Variants in KCNK13 observed in about 807,000 individuals in gnomAD.
The protein encoded by KCNK13 is potassium channel subfamily K member 13.
In KCNK13, 12 loss-of-function variants were observed where a neutral mutation model predicts 23.4. That is an observed-to-expected ratio of 0.51 (90% CI 0.33 to 0.83). The LOEUF (loss-of-function observed/expected upper bound fraction) is 0.83, where lower values mean the gene tolerates loss of function less well. Ranked by LOEUF, KCNK13 falls within the 40% of genes least tolerant of loss-of-function variation. The pLI is 0.02. For synonymous variants in KCNK13, 231 were observed against 229.5 expected (o/e 1.01, Z -0.06); for missense variants, 463 against 556.3 (o/e 0.83, Z 1.69).
intron 1 of KCNK13, among the ~76,000 whole-genome samples, chr14:90,088,907 A>G (rs1033784481): frequency 6.6e-6 from 1 of 152,154 alleles, no homozygotes; most frequent in African/African-American, 2.4e-5. Flanking sequence ...TTTGCTTGCC[A>G]CCATCCATGT....
At chr14:90,120,937 AG>A (rs79091402) in intron 1 of KCNK13, among the ~76,000 whole-genome samples, 43,197 of 151,972 alleles carry the variant, frequency 0.28, 6,278 homozygotes, top group East Asian at 0.37. Context: ...CCTAGATACA[AG>A]GGGGGTACAG....
intron 1 of KCNK13, among the ~76,000 whole-genome samples, chr14:90,102,590 T>C (rs376454985): frequency 6.6e-6 from 1 of 152,148 alleles, no homozygotes; most frequent in Admixed American, 6.6e-5. Flanking sequence ...GTAGAGTCTC[T>C]CCCATGACCC....
chr14:90,137,917 G>A (rs1889957625), intron 1 of KCNK13, among the ~76,000 whole-genome samples: 1 of 152,200 alleles, frequency 6.6e-6, no homozygotes, highest in Non-Finnish European at 1.5e-5. Flanking sequence ...CCAGCTTTTA[G>A]CGTGAAGACA....
chr14:90,184,667 G>T lies in KCNK13; in HGVS notation c.891G>T (p.Gly297=), dbSNP rs1276025137. 1 of 1,614,248 alleles carries T rather than the reference G, an allele frequency of 6.2e-7. No homozygotes were observed. Among genetic ancestry groups the T allele is most frequent in the East Asian group, 2.2e-5 (1 of 44,882 alleles). The change falls in exon 2 of 2, where the codon GGG becomes GGT. Residue 297 remains glycine (G), a synonymous_variant. Transcript: ENST00000282146. The surrounding 1 kb of genome is among the most constrained non-coding windows in gnomAD (Gnocchi z 5.6). ...LNWILRKMDS[G]CCPQCQRGLL... Reference sequence around the variant, plus strand: ...GGATCCTGAGGAAAATGGACAGCGGGTGCTGCCCGCAATGCCAGAGAGGAC... The same window carrying T: ...GGATCCTGAGGAAAATGGACAGCGGTTGCTGCCCGCAATGCCAGAGAGGAC...
At chr14:90,139,347 A>G (rs1889975939) in intron 1 of KCNK13, among the ~76,000 whole-genome samples, 1 of 152,092 alleles carries the variant, frequency 6.6e-6, no homozygotes, top group Non-Finnish European at 1.5e-5. Flanking sequence ...ATCGGGGAAG[A>G]GCATTCCAGG....
At chr14:90,078,597 GAGAA>G (rs1046021911) in intron 1 of KCNK13, among the ~76,000 whole-genome samples, 30 of 151,930 alleles carry the variant, frequency 2.0e-4, no homozygotes, top group South Asian at 1.2e-3. Context: ...AGGGAGAAAA[GAGAA>G]AGAAAGAGAG....
In KCNK13 at chr14:90,101,462, T is replaced by A. The variant is rs1293842286; in HGVS notation, c.334+38923T>A. On this transcript the variant is annotated intron_variant, in intron 1 of 1. Coordinates refer to ENST00000282146, the MANE Select transcript of KCNK13 (RefSeq NM_022054.4). ...CAGGAGAGGGATACAAGACTACAAA[T>A]TGGGTTCAGGGTATGCTGCTCTGGT... Among the ~76,000 whole-genome samples, 95 of 151,936 alleles carry A rather than the reference T, an allele frequency of 6.3e-4. 1 individual carries two copies. The highest frequency in any genetic ancestry group is 6.2e-3 in the Admixed American group (95 of 15,244).
chr14:90,159,565 AATT>A, intron 1 of KCNK13, among the ~76,000 whole-genome samples: 1 of 152,212 alleles, frequency 6.6e-6, no homozygotes, highest in Non-Finnish European at 1.5e-5. Context: ...TGGAAGACCC[AATT>A]AACAGAAAGT....
At chr14:90,143,328 C>T (rs570828106) in intron 1 of KCNK13, among the ~76,000 whole-genome samples, 16 of 151,976 alleles carry the variant, frequency 1.1e-4, no homozygotes, top group African/African-American at 3.6e-4. Context: ...CCTCCTCAGC[C>T]TCCCAAAGTG....
At chr14:90,071,054 C>G (rs1319100541) in intron 1 of KCNK13, among the ~76,000 whole-genome samples, 2 of 152,202 alleles carry the variant, frequency 1.3e-5, no homozygotes, top group African/African-American at 4.8e-5. Flanking sequence ...ATTTAGTATT[C>G]ATATATGCTC....
intron 1 of KCNK13, among the ~76,000 whole-genome samples, chr14:90,124,430 A>T (rs772521905): frequency 3.3e-5 from 5 of 152,274 alleles, no homozygotes; most frequent in Non-Finnish European, 5.9e-5. Context: ...AGGTCGGAGA[A>T]ATATAATAAA....
Position 90,171,549 on chromosome 14 carries a change from A to G in KCNK13, c.335-12562A>G, listed in dbSNP as rs144215070. 6.3e-3 allele frequency among the ~76,000 whole-genome samples: 965 copies of G among 152,336 alleles called. 6 individuals carry two copies. Among genetic ancestry groups the G allele is most frequent in the African/African-American group, 0.022 (931 of 41,560 alleles). ...TGCAGCCTCAGGAAGTCCTGACGGC[A>G]TGTGCCTAAGGTGGCTGGGGCACAG... On this transcript the variant is annotated intron_variant, in intron 1 of 1. Coordinates refer to ENST00000282146, the MANE Select transcript of KCNK13 (RefSeq NM_022054.4).
In KCNK13 at chr14:90,178,231, CAAAAAAAAAAAA is replaced by C. The variant is rs34726346; in HGVS notation, c.335-5866_335-5855del. On this transcript the variant is annotated intron_variant, in intron 1 of 1. Coordinates refer to ENST00000282146, the MANE Select transcript of KCNK13 (RefSeq NM_022054.4). ...AATTTGGGAGACATATTCCTAAAAG[CAAAAAAAAAAAA>C]AAAAAAAAAAAAAGGATACCCTGAT... Among the ~76,000 whole-genome samples, 54 of 75,086 alleles carry C rather than the reference CAAAAAAAAAAAA, an allele frequency of 7.2e-4. 1 individual carries two copies. The South Asian group carries it at 0.032, about 45-fold the overall frequency. The allele number at this position is 75,086 out of a possible 152,430, so 49.3% of individuals were successfully genotyped here.
chr14:90,091,773 C>T (rs530157219), intron 1 of KCNK13, among the ~76,000 whole-genome samples: 1 of 151,822 alleles, frequency 6.6e-6, no homozygotes, highest in South Asian at 2.1e-4. Flanking sequence ...GGAGAGAGTC[C>T]TGGAGTTACC....
intron 1 of KCNK13, among the ~76,000 whole-genome samples, chr14:90,063,070 A>C (rs1381295570): frequency 1.3e-5 from 2 of 152,180 alleles, no homozygotes; most frequent in East Asian, 3.9e-4. Context: ...ATGACGGTTC[A>C]AAAGATGGAA....
At chr14:90,079,845 C>G (rs1272886177) in intron 1 of KCNK13, among the ~76,000 whole-genome samples, 1 of 152,204 alleles carries the variant, frequency 6.6e-6, no homozygotes, top group Non-Finnish European at 1.5e-5. Flanking sequence ...GTCATGTTTT[C>G]ATGACAGACA....
At chr14:90,164,320 A>T (rs887597828) in intron 1 of KCNK13, among the ~76,000 whole-genome samples, 9 of 152,232 alleles carry the variant, frequency 5.9e-5, no homozygotes, top group Admixed American at 5.2e-4. Flanking sequence ...TAACATTTTT[A>T]AGGAAAGGCC....
chr14:90,151,348 T>C (rs1890132430), intron 1 of KCNK13, among the ~76,000 whole-genome samples: 1 of 152,214 alleles, frequency 6.6e-6, no homozygotes, highest in African/African-American at 2.4e-5. Flanking sequence ...TGAGGTAATA[T>C]CTCACTGTTG....
chr14:90,071,097 A>G (rs1201117587), intron 1 of KCNK13, among the ~76,000 whole-genome samples: 1 of 152,150 alleles, frequency 6.6e-6, no homozygotes, highest in African/African-American at 2.4e-5. Flanking sequence ...ATTCTTGTTT[A>G]TATTATAAAA....
Sources: gnomAD v4.1 joint callset for allele counts (sites outside exome capture counted in the v4.1 genomes callset) on GRCh38, gnomAD v4.1.1 for gene constraint, Gnocchi (gnomAD v3.1) non-coding constraint, MANE v1.5 for transcripts, NCBI Gene and HGNC (gene_info 2026-07-23, HGNC 2026-07-21) for gene names.